The following RPH3A variants were observed in gnomAD, a reference collection of about 807,000 sequenced individuals.
RPH3A encodes the protein rabphilin-3A.
In RPH3A, 48 loss-of-function variants were observed where a neutral mutation model predicts 102.2. The observed-to-expected ratio is 0.47, with a 90% CI of 0.37 to 0.60. RPH3A has a LOEUF of 0.60. Among genes scored for constraint, RPH3A ranks in the 20% least tolerant of loss-of-function variants. RPH3A has a pLI of 0.00. For missense variants in RPH3A, 781 were observed against 910.1 expected (o/e 0.86, Z 1.83); for synonymous variants, 310 against 324.3 (o/e 0.96, Z 0.47).
chr12:112,576,909 C>CTTTTTTTTTTTTTTTTT lies in RPH3A; in HGVS notation c.-140+1604_-140+1605insTTTTTTTTTTTTTTTTT, dbSNP rs3036138. Among the ~76,000 whole-genome samples, 3 of 114,622 alleles carry CTTTTTTTTTTTTTTTTT rather than the reference C, an allele frequency of 2.6e-5. 1 individual carries two copies. Among genetic ancestry groups the CTTTTTTTTTTTTTTTTT allele is most frequent in the African/African-American group, 1.1e-4 (3 of 27,978 alleles). 75.2% of individuals were successfully genotyped at this position (114,622 alleles called of 152,430 possible). On this transcript the variant is annotated intron_variant, in intron 1 of 21. Transcript: ENST00000543106. ...TTCTTTTCTTTTTTTTCTTTTCTTCCTTTTTTTTTTTTTTGAGATAGAGTC... is the reference window on the plus strand; with the variant it reads ...TTCTTTTCTTTTTTTTCTTTTCTTCCTTTTTTTTTTTTTTTTTTTTTTTTTTTTTTTGAGATAGAGTC...
At chr12:112,760,704 A>G (rs1014141888) in intron 1 of RPH3A, among the ~76,000 whole-genome samples, 9 of 152,204 alleles carry the variant, frequency 5.9e-5, no homozygotes, top group African/African-American at 2.2e-4. Context: ...TGAGCAGCTA[A>G]TTCTGCCAGG....
chr12:112,839,457 G>T (rs2042107533), intron 4 of RPH3A, among the ~76,000 whole-genome samples: 1 of 152,138 alleles, frequency 6.6e-6, no homozygotes, highest in South Asian at 2.1e-4. Flanking sequence ...GCTCATTTAT[G>T]CATCAAAGGG....
intron 19 of RPH3A, among the ~76,000 whole-genome samples, chr12:112,891,846 C>T (rs2043100886): frequency 6.6e-6 from 1 of 152,218 alleles, no homozygotes; most frequent in Admixed American, 6.5e-5. Context: ...GTCAGTTACG[C>T]TTCCTGTAGC....
chr12:112,633,851 C>T (rs1405959813), intron 1 of RPH3A, among the ~76,000 whole-genome samples: 6 of 152,096 alleles, frequency 3.9e-5, no homozygotes, highest in African/African-American at 1.4e-4. Context: ...CTTGGTTTAG[C>T]CAGGTGACCC....
intron 1 of RPH3A, among the ~76,000 whole-genome samples, chr12:112,584,756 C>T (rs1360504533): frequency 1.3e-5 from 2 of 152,158 alleles, no homozygotes; most frequent in Non-Finnish European, 2.9e-5. Context: ...AAACTGAGGA[C>T]GCCTAGGGGA....
chr12:112,595,264 G>A (rs2039509116), intron 1 of RPH3A, among the ~76,000 whole-genome samples: 1 of 152,182 alleles, frequency 6.6e-6, no homozygotes, highest in Non-Finnish European at 1.5e-5. Context: ...AGATCGATGA[G>A]CAGCTTAGAT....
chr12:112,800,336 G>T (rs1322339592), intron 2 of RPH3A, among the ~76,000 whole-genome samples: 1 of 152,172 alleles, frequency 6.6e-6, no homozygotes, highest in Non-Finnish European at 1.5e-5. Flanking sequence ...AGACAACTGT[G>T]GTGGCCCCAA....
chr12:112,687,353 T>A (rs2040273041), intron 1 of RPH3A, among the ~76,000 whole-genome samples: 1 of 152,026 alleles, frequency 6.6e-6, no homozygotes, highest in South Asian at 2.1e-4. Context: ...GCCAAGATGA[T>A]CTCCACACTC....
intron 21 of RPH3A, among the ~76,000 whole-genome samples, chr12:112,896,242 T>C (rs2043177734): frequency 6.6e-6 from 1 of 152,020 alleles, no homozygotes; most frequent in African/African-American, 2.4e-5. Context: ...CAATTAAAGA[T>C]GAAGCAGGGG....
chr12:112,895,542 T>C (rs1035683490), intron 20 of RPH3A: 3 of 443,618 alleles, frequency 6.8e-6, no homozygotes, highest in Non-Finnish European at 1.2e-5. Context: ...CCTTCCCAAT[T>C]TCAAGCAGAG....
intron 1 of RPH3A, among the ~76,000 whole-genome samples, chr12:112,627,247 T>C (rs1053645699): frequency 6.6e-6 from 1 of 151,500 alleles, no homozygotes; most frequent in Non-Finnish European, 1.5e-5. Context: ...TTATGCACTA[T>C]ACATTTATAT....
At chr12:112,856,438 C>T (rs1411720744) in intron 5 of RPH3A, among the ~76,000 whole-genome samples, 2 of 151,954 alleles carry the variant, frequency 1.3e-5, no homozygotes, top group Non-Finnish European at 2.9e-5. Flanking sequence ...TACAGACATG[C>T]ATGTAAAAGT....
At position 112,802,776 on chromosome 12, in the gene RPH3A, TTCCCCAGGGCCTCTGTCCAC is replaced by T. The variant is rs1207539372; in HGVS notation, c.-19+10552_-19+10571del. 2.9e-3 allele frequency among the ~76,000 whole-genome samples: 443 copies of T among 151,482 alleles called. 6 individuals are homozygous for T. Among genetic ancestry groups the T allele is most frequent in the African/African-American group, 0.01 (417 of 41,236 alleles). On this transcript the variant is annotated intron_variant, in intron 2 of 21. Transcript: ENST00000389385. ...GCTGGCTCCTCATCACCTCTGTCCA[TTCCCCAGGGCCTCTGTCCAC>T]TCCCCAGGGCCTCTGTCCACTCCCC...
intron 1 of RPH3A, among the ~76,000 whole-genome samples, chr12:112,631,985 A>G (rs1456879713): frequency 6.6e-6 from 1 of 152,122 alleles, no homozygotes; most frequent in East Asian, 1.9e-4. Context: ...CTTGAATTGT[A>G]ACTCCCACAA....
At chr12:112,742,051 T>G (rs2040712997) in intron 1 of RPH3A, among the ~76,000 whole-genome samples, 1 of 152,180 alleles carries the variant, frequency 6.6e-6, no homozygotes, top group South Asian at 2.1e-4. Context: ...CTTCCTTCAG[T>G]CCACAGTCCT....
chr12:112,594,783 T>G (rs1367730406), intron 1 of RPH3A, among the ~76,000 whole-genome samples: 2 of 152,220 alleles, frequency 1.3e-5, no homozygotes, highest in Non-Finnish European at 2.9e-5. Context: ...TGTATCCTCA[T>G]GGATAATATA....
chr12:112,627,535 A>G (rs1361573302), intron 1 of RPH3A, among the ~76,000 whole-genome samples: 1 of 151,796 alleles, frequency 6.6e-6, no homozygotes, highest in African/African-American at 2.4e-5. Flanking sequence ...TTTATATTAT[A>G]TAGCATATTT....
At chr12:112,837,997 C>G (rs138800641) in intron 4 of RPH3A, among the ~76,000 whole-genome samples, 38 of 152,048 alleles carry the variant, frequency 2.5e-4, no homozygotes, top group African/African-American at 8.9e-4. Flanking sequence ...ACACAGTTAG[C>G]CAAGTATAAA....
chr12:112,764,550 G>T (rs777813893), intron 1 of RPH3A, among the ~76,000 whole-genome samples: 1 of 152,156 alleles, frequency 6.6e-6, no homozygotes, highest in Non-Finnish European at 1.5e-5. Flanking sequence ...CAGCTTTGCA[G>T]GTCCTTTCTA....
Sources: gnomAD v4.1 joint callset for allele counts (sites outside exome capture counted in the v4.1 genomes callset) on GRCh38, gnomAD v4.1.1 for gene constraint, MANE v1.5 for transcripts, NCBI Gene and HGNC (gene_info 2026-07-23, HGNC 2026-07-21) for gene names.